Variants in AKAP19 observed in about 807,000 individuals in gnomAD.
AKAP19 encodes the protein A-kinase anchoring protein 19.
At chr2:190,103,516 A>G in the AKAP19 span, among the ~76,000 whole-genome samples, 4 of 152,238 alleles carry the variant, frequency 2.6e-5, no homozygotes, top group Admixed American at 6.5e-5. Flanking sequence ...TCAACGTACA[A>G]ATATCAGTAG....
chr2:190,159,073 G>A, the AKAP19 span, among the ~76,000 whole-genome samples: 46,974 of 152,082 alleles, frequency 0.31, 7,910 homozygotes, highest in African/African-American at 0.44. Flanking sequence ...CTGAGAAAAT[G>A]CAGAAGGGCG....
At chr2:190,007,399 CT>C in the AKAP19 span, among the ~76,000 whole-genome samples, 2 of 152,184 alleles carry the variant, frequency 1.3e-5, no homozygotes, top group South Asian at 2.1e-4. Flanking sequence ...AAGGGGAAGC[CT>C]TTTTTTGATT....
the AKAP19 span, among the ~76,000 whole-genome samples, chr2:190,015,560 A>G: frequency 6.6e-6 from 1 of 152,104 alleles, no homozygotes; most frequent in Non-Finnish European, 1.5e-5. Context: ...CCCTGGAGAC[A>G]TTTTCTCCAT....
chr2:190,154,756 TG>T, the AKAP19 span, among the ~76,000 whole-genome samples: 1 of 152,222 alleles, frequency 6.6e-6, no homozygotes, highest in Admixed American at 6.5e-5. Context: ...GCAAGTTACC[TG>T]GCAGTCTAGA....
chr2:189,943,651 G>A, the AKAP19 span, among the ~76,000 whole-genome samples: 1 of 152,218 alleles, frequency 6.6e-6, no homozygotes, highest in Non-Finnish European at 1.5e-5. Context: ...CCTGAACCTG[G>A]AAAAGCTGCA....
At chr2:190,006,298 C>T in the AKAP19 span, among the ~76,000 whole-genome samples, 1 of 152,142 alleles carries the variant, frequency 6.6e-6, no homozygotes, top group Admixed American at 6.5e-5. Context: ...AATACCTGTC[C>T]CAAAGAGTCA....
chr2:190,192,452 C>CTGTGTG, the AKAP19 span, among the ~76,000 whole-genome samples: 6,997 of 145,282 alleles, frequency 0.048, 182 homozygotes, highest in Middle Eastern at 0.093. Flanking sequence ...AATTCAGAAT[C>CTGTGTG]TGTGTGTGTG....
the AKAP19 span, among the ~76,000 whole-genome samples, chr2:190,163,458 A>AAC: frequency 1.3e-5 from 2 of 150,250 alleles, no homozygotes; most frequent in African/African-American, 5.0e-5. Flanking sequence ...CAAAAAACAA[A>AAC]AAAAAAAAAA....
the AKAP19 span, among the ~76,000 whole-genome samples, chr2:189,981,829 C>A: frequency 2.6e-5 from 4 of 152,064 alleles, no homozygotes; most frequent in African/African-American, 9.7e-5. Flanking sequence ...AAAGATAGCC[C>A]CCAATCTCAT....
the AKAP19 span, chr2:190,057,375 G>A: frequency 6.2e-7 from 1 of 1,613,592 alleles, no homozygotes; most frequent in Non-Finnish European, 8.5e-7. Context: ...TACAGCAAGG[G>A]CCTGCTGAAC....
At chr2:189,985,241 A>T in the AKAP19 span, among the ~76,000 whole-genome samples, 2 of 152,062 alleles carry the variant, frequency 1.3e-5, no homozygotes, top group Non-Finnish European at 1.5e-5. Flanking sequence ...CTGTTCCCTC[A>T]GTTTTCCATA....
At chr2:190,033,037 A>G in the AKAP19 span, among the ~76,000 whole-genome samples, 1 of 152,190 alleles carries the variant, frequency 6.6e-6, no homozygotes, top group South Asian at 2.1e-4. Flanking sequence ...AAAGAGAAAG[A>G]AAAGGATTGA....
the AKAP19 span, among the ~76,000 whole-genome samples, chr2:189,899,572 A>G: frequency 1.4e-5 from 2 of 141,218 alleles, no homozygotes; most frequent in Admixed American, 1.5e-4. Flanking sequence ...AATGGATTCA[A>G]ACTTGTTTCT....
At chr2:190,178,014 G>A in the AKAP19 span, among the ~76,000 whole-genome samples, 1,005 of 152,128 alleles carry the variant, frequency 6.6e-3, 10 homozygotes, top group Admixed American at 0.011. The surrounding 1 kb of genome is among the most constrained non-coding windows in gnomAD (Gnocchi z 6.3). Context: ...TGGGTCCTTC[G>A]TCACCCCTTT....
At chr2:190,049,982 G>A in the AKAP19 span, among the ~76,000 whole-genome samples, 1 of 152,246 alleles carries the variant, frequency 6.6e-6, no homozygotes, top group South Asian at 2.1e-4. Context: ...TTTGGGGGGA[G>A]GATAAAATTT....
chr2:190,181,474 C>T, the AKAP19 span: 1 of 152,176 alleles, frequency 6.6e-6, no homozygotes, highest in Non-Finnish European at 1.5e-5. Flanking sequence ...CTCTGAATGG[C>T]ATATCATGAG....
At chr2:189,905,022 T>C in the AKAP19 span, among the ~76,000 whole-genome samples, 16 of 151,944 alleles carry the variant, frequency 1.1e-4, no homozygotes, top group Admixed American at 2.6e-4. Context: ...AAACATGGGG[T>C]TAAATAGGCC....
the AKAP19 span, among the ~76,000 whole-genome samples, chr2:189,957,577 T>G: frequency 1.3e-5 from 2 of 152,200 alleles, no homozygotes; most frequent in Non-Finnish European, 1.5e-5. Context: ...ATTTTTCATA[T>G]GTAATTCTGT....
chr2:189,926,724 G>T, the AKAP19 span, among the ~76,000 whole-genome samples: 1 of 150,790 alleles, frequency 6.6e-6, no homozygotes, highest in East Asian at 2.0e-4. Flanking sequence ...GGGGCTACAG[G>T]CGCCCGCCAC....
Sources: gnomAD v4.1 joint callset for allele counts (sites outside exome capture counted in the v4.1 genomes callset) on GRCh38, gnomAD v4.1.1 for gene constraint, Gnocchi (gnomAD v3.1) non-coding constraint, MANE v1.5 for transcripts, NCBI Gene and HGNC (gene_info 2026-07-23, HGNC 2026-07-21) for gene names.